HCN2: variants seen among roughly 807,000 people sequenced by gnomAD.
The protein encoded by HCN2 is potassium/sodium hyperpolarization-activated cyclic nucleotide-gated channel 2.
HCN2 carries 20 observed loss-of-function variants against 52.3 expected under a neutral mutation model. That is an observed-to-expected ratio of 0.38 (90% CI 0.27 to 0.56). HCN2 has a LOEUF of 0.56. HCN2 is among the 20% of genes least tolerant of loss of function. The pLI is 0.71. For synonymous variants in HCN2, 694 were observed against 537.0 expected (o/e 1.29, Z -4.04); for missense variants, 981 against 1,207.7 (o/e 0.81, Z 2.78).
At chr19:611,680 A>T (rs1377819259) in intron 5 of HCN2, among the ~76,000 whole-genome samples, 1 of 152,210 alleles carries the variant, frequency 6.6e-6, no homozygotes, top group African/African-American at 2.4e-5. Context: ...GGTGGCTTTT[A>T]GTATTAACAG....
rs757218942 is a variant in HCN2 at position 613,846 on chromosome 19, G to T, written c.1826-6G>T. Reference sequence around the variant, plus strand: ...CCAGCAACCCCCCCCTGCGCGCCACGTGCAGAGATCTGCCTGCTCACCCGG... The same window carrying T: ...CCAGCAACCCCCCCCTGCGCGCCACTTGCAGAGATCTGCCTGCTCACCCGG... On this transcript the variant is annotated splice_region_variant and splice_polypyrimidine_tract_variant and intron_variant, in intron 6 of 7. Coordinates refer to ENST00000251287, the MANE Select transcript of HCN2 (RefSeq NM_001194.4). The T allele has an allele frequency of 6.4e-7, 1 of 1,568,498 alleles. No individual in the cohort carries two copies. The highest frequency in any genetic ancestry group is 8.6e-7 in the Non-Finnish European group (1 of 1,160,648).
chr19:610,738 G>T (rs1271554977), intron 5 of HCN2, among the ~76,000 whole-genome samples: 1 of 152,224 alleles, frequency 6.6e-6, no homozygotes, highest in Admixed American at 6.5e-5. Context: ...CACTGAGGCT[G>T]ATTGGAGCGG....
chr19:615,919 C>T lies in HCN2; in HGVS notation c.2115C>T (p.Ala705=), dbSNP rs570173268. The change falls in exon 8 of 8, where the codon GCC becomes GCT. Residue 705 remains alanine (A), a synonymous_variant. Transcript: ENST00000251287. The part of the protein sequence containing the change: ...VKYDREMVQQ[A]ELGQRVGLFP... Reference sequence around the variant, plus strand: ...ACGACCGCGAGATGGTGCAGCAGGCCGAGCTGGGTCAGCGCGTGGGCCTCT... The same window carrying T: ...ACGACCGCGAGATGGTGCAGCAGGCTGAGCTGGGTCAGCGCGTGGGCCTCT... 19 of 1,611,766 alleles carry T rather than the reference C, an allele frequency of 1.2e-5. No individual in the cohort carries two copies. The East Asian group carries it at 3.1e-4, about 26-fold the overall frequency.
At chr19:604,500 T>G (rs1600526268) in intron 2 of HCN2, among the ~76,000 whole-genome samples, 12 of 18,980 alleles carry the variant, frequency 6.3e-4, no homozygotes, top group South Asian at 1.7e-3. Context: ...GATATCTGGG[T>G]GGGGTCAAGG....
At position 616,915 on chromosome 19, in the gene HCN2, A is replaced by C; in HGVS notation, c.*441A>C. On this transcript the variant is annotated 3_prime_UTR_variant, in exon 8 of 8. Coordinates refer to ENST00000251287, the MANE Select transcript of HCN2 (RefSeq NM_001194.4). ...CCGCTGCCCCCATCGCGCTCACGCA[A>C]TAACCGGCCCGGCCCCCGTCCGCGC... 1 of 328,744 alleles carries C rather than the reference A, an allele frequency of 3.0e-6. No homozygotes were observed. Among genetic ancestry groups the C allele is most frequent in the Non-Finnish European group, 5.7e-6 (1 of 173,952 alleles). 20.4% of individuals were successfully genotyped at this position (328,744 alleles called of 1,614,324 possible). A position where few individuals can be genotyped will look rare whatever the true frequency, so the allele number is the denominator to read the frequency against.
chr19:590,286 C>A lies in HCN2; in HGVS notation c.341C>A (p.Pro114His). ...GAGCCGCAGTGCAGCCCCGCGGGGC[C>A]CGAGGGCCCGGCGCGGGGGCCCAAG... Reference protein sequence around the residue: ...RGEPQCSPAGPEGPARGPKVS... With the variant: ...RGEPQCSPAGHEGPARGPKVS... The change falls in exon 1 of 8, where the codon CCC becomes CAC. Residue 114 changes from proline (P) to histidine (H), a missense_variant. Pro to His is a moderately conservative substitution (Grantham distance 77, BLOSUM62 -2). Transcript: ENST00000251287. This position sits in a 1 kb window ranked among gnomAD's most constrained non-coding sequence, Gnocchi z 7.2. 1.0e-6 allele frequency: 1 copy of A among 990,522 alleles called. No individual in the cohort carries two copies. 61.4% of individuals were successfully genotyped at this position (990,522 alleles called of 1,614,324 possible).
chr19:604,636 C>T (rs1344835330), intron 2 of HCN2, among the ~76,000 whole-genome samples: 8 of 90,056 alleles, frequency 8.9e-5, no homozygotes, highest in African/African-American at 3.3e-4. Context: ...CGGGGTCAGG[C>T]AGCAAGGGCG....
chr19:590,277 CCGCGGGGCCCGAGGGCCCGG>C lies in HCN2; in HGVS notation c.340_359del (p.Pro114AlafsTer119). On this transcript the variant is annotated frameshift_variant, in exon 1 of 8. Coordinates refer to ENST00000251287, the MANE Select transcript of HCN2 (RefSeq NM_001194.4). LOFTEE classifies it high-confidence loss of function. This position sits in a 1 kb window ranked among gnomAD's most constrained non-coding sequence, Gnocchi z 7.2. ...GGGCGCGGCGAGCCGCAGTGCAGCC[CCGCGGGGCCCGAGGGCCCGG>C]CGCGGGGGCCCAAGGTGTCGTTCTC... The C allele has an allele frequency of 1.0e-6, 1 of 988,130 alleles. No individual in the cohort carries two copies. Among genetic ancestry groups the C allele is most frequent in the Non-Finnish European group, 1.2e-6 (1 of 833,706 alleles). 61.2% of individuals were successfully genotyped at this position (988,130 alleles called of 1,614,324 possible). A position where few individuals can be genotyped will look rare whatever the true frequency, so the allele number is the denominator to read the frequency against.
chr19:615,345 T>TAA (rs376021003), intron 7 of HCN2, among the ~76,000 whole-genome samples: 5 of 148,586 alleles, frequency 3.4e-5, no homozygotes, highest in African/African-American at 9.9e-5. Flanking sequence ...CCGTCTCTAC[T>TAA]AAAAAAAAAA....
rs760836778 is a variant in HCN2 at position 605,051 on chromosome 19, C to T, written c.1057-10C>T. ...AGCGGGTAGGGTGGGCTCACGGCGC[C>T]TTCCTGCAGATCTTCCACATGACCT... is the stretch of plus-strand genomic sequence containing the variant. On this transcript the variant is annotated splice_polypyrimidine_tract_variant and intron_variant, in intron 2 of 7. Transcript: ENST00000251287. 1 of 1,606,676 alleles carries T rather than the reference C, an allele frequency of 6.2e-7. No individual in the cohort carries two copies. Among genetic ancestry groups the T allele is most frequent in the Non-Finnish European group, 8.5e-7 (1 of 1,176,198 alleles).
At position 608,106 on chromosome 19, in the gene HCN2, G is replaced by T; in HGVS notation, c.1361G>T (p.Cys454Phe). Residue 454 changes from cysteine to phenylalanine, a missense_variant, in exon 4 of 8, where the codon TGC becomes TTC. This residue lies in a region of HCN2 where 282 missense variants were observed against 553.8 expected (regional missense o/e 0.51). Coordinates refer to ENST00000251287, the MANE Select transcript of HCN2 (RefSeq NM_001194.4). The part of the protein sequence containing the change: ...TMLSMIVGAT[C>F]YAMFIGHATA... ...CTCAGCATGATTGTGGGTGCCACCT[G>T]CTACGCCATGTTCATCGGCCACGCC... 6.2e-7 allele frequency: 1 copy of T among 1,613,368 alleles called. No individual in the cohort carries two copies. Among genetic ancestry groups the T allele is most frequent in the South Asian group, 1.1e-5 (1 of 91,080 alleles).
At position 593,809 on chromosome 19, in the gene HCN2, C is replaced by T. The variant is rs1269378924; in HGVS notation, c.632+3232C>T. Among the ~76,000 whole-genome samples the T allele has an allele frequency of 3.3e-5, 5 of 152,094 alleles. No homozygotes were observed. In the East Asian group the frequency reaches 9.6e-4, roughly 29 times the overall value. On this transcript the variant is annotated intron_variant, in intron 1 of 7. Coordinates refer to ENST00000251287, the MANE Select transcript of HCN2 (RefSeq NM_001194.4). ...GTTTTGGGTTCCAGAGGCTCAAGTT[C>T]CCTTCCTTGTAGGTGATCACGGTTG...
In HCN2 at chr19:613,502, G is replaced by A. The variant is rs750626044; in HGVS notation, c.1825+14G>A. ...CCTACTTCGGGGGTGAGCTTGAGGGGGGCGCGCCTGGAGGGGGAGGGGGCA... is the reference window on the plus strand; with the variant it reads ...CCTACTTCGGGGGTGAGCTTGAGGGAGGCGCGCCTGGAGGGGGAGGGGGCA... On this transcript the variant is annotated intron_variant, in intron 6 of 7. Transcript: ENST00000251287. The A allele has an allele frequency of 8.2e-6, 13 of 1,575,998 alleles. No homozygotes were observed. The highest frequency in any genetic ancestry group is 1.4e-5 in the African/African-American group (1 of 72,352).
intron 3 of HCN2, among the ~76,000 whole-genome samples, chr19:606,250 G>A (rs1239246276): frequency 1.3e-5 from 2 of 151,880 alleles, no homozygotes; most frequent in East Asian, 1.9e-4. Context: ...ACAGGCGCCC[G>A]CCACCACACC....
intron 3 of HCN2, 83 bp downstream of exon 3, chr19:605,305 G>GTGGCACGCTC: frequency 7.3e-7 from 1 of 1,369,918 alleles, no homozygotes; most frequent in Admixed American, 2.3e-5. Context: ...CCCGCTTACA[G>GTGGCACGCTC]AGGGTTGAAC....
At chr19:604,779 G>GACAAT (rs1983356413) in intron 2 of HCN2, among the ~76,000 whole-genome samples, 3 of 95,938 alleles carry the variant, frequency 3.1e-5, no homozygotes, top group East Asian at 3.0e-4. Context: ...TCAGGGGTGG[G>GACAAT]GAGCTGTGGA....
At chr19:603,306 C>A (rs11879835) in intron 1 of HCN2, among the ~76,000 whole-genome samples, 13 of 104,912 alleles carry the variant, frequency 1.2e-4, no homozygotes, top group Admixed American at 1.8e-4. Flanking sequence ...CCCTCGCCCC[C>A]CAGGGAGGAA....
At chr19:606,170 G>T (rs1320390713) in intron 3 of HCN2, among the ~76,000 whole-genome samples, 2 of 152,084 alleles carry the variant, frequency 1.3e-5, no homozygotes, top group African/African-American at 4.8e-5. Flanking sequence ...CACGATCTCG[G>T]CTTACCACAA....
chr19:606,572 G>A (rs1406651336), intron 3 of HCN2, among the ~76,000 whole-genome samples: 2 of 151,958 alleles, frequency 1.3e-5, no homozygotes, highest in African/African-American at 4.8e-5. Flanking sequence ...TAATAAATGG[G>A]CCAGGCATGG....
Sources: gnomAD v4.1 joint callset for allele counts (sites outside exome capture counted in the v4.1 genomes callset) on GRCh38, gnomAD v4.1.1 for gene constraint, gnomAD v4.1.1 regional missense constraint, Gnocchi (gnomAD v3.1) non-coding constraint, MANE v1.5 for transcripts, NCBI Gene and HGNC (gene_info 2026-07-23, HGNC 2026-07-21) for gene names.